Variants in CLEC5A observed in about 807,000 individuals in gnomAD.
CLEC5A encodes C-type lectin domain containing 5A.
CLEC5A carries 15 observed loss-of-function variants against 24.4 expected under a neutral mutation model. The ratio of observed to expected loss-of-function variants is 0.62; its 90% CI spans 0.41 to 0.95. The LOEUF (loss-of-function observed/expected upper bound fraction) is 0.95, where lower values mean the gene tolerates loss of function less well. Ranked by LOEUF, CLEC5A falls within the 40% of genes least tolerant of loss-of-function variation. The probability of loss-of-function intolerance (pLI) is 0.00; values close to 1 mark genes in which losing one functional copy is unlikely to be tolerated. For missense variants in CLEC5A, 211 were observed against 224.0 expected (o/e 0.94, Z 0.37); for synonymous variants, 71 against 72.6 (o/e 0.98, Z 0.11).
At chr7:141,931,640 C>A (rs782166989) in intron 6 of CLEC5A, 80 bp downstream of exon 6, 1 of 807,844 alleles carries the variant, frequency 1.2e-6, no homozygotes, top group South Asian at 1.4e-5. Context: ...TTGAGCTATT[C>A]CAGGGTGAAC....
intron 4 of CLEC5A, 48 bp from the exon 5 acceptor site, chr7:141,935,998 T>C (rs960039792): frequency 1.3e-6 from 2 of 1,526,732 alleles, no homozygotes; most frequent in African/African-American, 1.4e-5. Flanking sequence ...GTTTGGGTTA[T>C]GAATCCTGCA....
Position 141,943,890 on chromosome 7 carries a change from C to A in CLEC5A, c.208+6G>T, listed in dbSNP as rs191659282. On this transcript the variant is annotated splice_donor_region_variant and intron_variant, in intron 4 of 6. Coordinates refer to ENST00000546910, the MANE Select transcript of CLEC5A (RefSeq NM_013252.3). ...ATGGGGAGTAGGTTGTAATCATGCA[C>A]TTTACCTGTTCCATAGCTCCTTGTG... 1.7e-4 allele frequency: 278 copies of A among 1,594,908 alleles called. 1 individual carries two copies. The East Asian group carries it at 5.6e-3, about 32-fold the overall frequency.
In CLEC5A at chr7:141,946,197, G is replaced by A. The variant is rs782478562; in HGVS notation, c.79+17C>T. ...GACAACATGAAGTCTGGGGCAAGAG[G>A]TTGCTCAAATACTCACAATAAAGTA... On this transcript the variant is annotated intron_variant, in intron 2 of 6. Transcript: ENST00000546910. 15 of 1,555,614 alleles carry A rather than the reference G, an allele frequency of 9.6e-6. No individual in the cohort carries two copies. Among genetic ancestry groups the A allele is most frequent in the Non-Finnish European group, 1.3e-5 (15 of 1,148,332 alleles).
intron 5 of CLEC5A, among the ~76,000 whole-genome samples, chr7:141,935,138 C>A (rs1229270753): frequency 6.6e-6 from 1 of 152,116 alleles, no homozygotes; most frequent in African/African-American, 2.4e-5. Flanking sequence ...GGAGGACTTT[C>A]TAGAGGAGGA....
chr7:141,943,906 G>C lies in CLEC5A; in HGVS notation c.198C>G (p.Ser66Arg), dbSNP rs782349650. The change falls in exon 4 of 7, where the codon AGC becomes AGG. Residue 66 changes from serine to arginine, a missense_variant. Coordinates refer to ENST00000546910, the MANE Select transcript of CLEC5A (RefSeq NM_013252.3). ...PSPNGFITTR[S>R]YGTVCPKDWE... ...AATCATGCACTTTACCTGTTCCATA[G>C]CTCCTTGTGGTAATGAAGCCGTTGG... The C allele has an allele frequency of 6.2e-7, 1 of 1,607,676 alleles. No individual in the cohort carries two copies. The highest frequency in any genetic ancestry group is 8.5e-7 in the Non-Finnish European group (1 of 1,174,448).
chr7:141,935,694 G>T (rs968618567), intron 5 of CLEC5A, 120 bp downstream of exon 5: 6 of 873,020 alleles, frequency 6.9e-6, no homozygotes, highest in Non-Finnish European at 1.1e-5. Context: ...CAGTTTTTCA[G>T]CCAGCCACCT....
chr7:141,941,359 A>G (rs1168216316), intron 4 of CLEC5A, among the ~76,000 whole-genome samples: 2 of 152,118 alleles, frequency 1.3e-5, no homozygotes, highest in Non-Finnish European at 2.9e-5. Context: ...CTGATAAATT[A>G]TTTGATAAAA....
intron 5 of CLEC5A, among the ~76,000 whole-genome samples, chr7:141,934,014 C>T (rs1241720210): frequency 1.3e-5 from 2 of 152,170 alleles, no homozygotes; most frequent in African/African-American, 4.8e-5. Flanking sequence ...TGTATGGCCC[C>T]CTGAGTGTTC....
rs893105401 is a variant in CLEC5A, at chr7:141,928,101, A to G, written c.*2003T>C. The stretch of plus-strand genomic sequence containing the variant: ...AGCATGCCACTGCTATCTAATAAAG[A>G]TCACATTTATCTAAGCTTGCAAGGA... On this transcript the variant is annotated 3_prime_UTR_variant, in exon 7 of 7. Transcript: ENST00000546910. The G allele has an allele frequency of 2.0e-5, 3 of 151,804 alleles. No individual in the cohort carries two copies. In the South Asian group the frequency reaches 6.2e-4, roughly 32 times the overall value. The allele number at this position is 151,804 out of a possible 1,614,324, so 9.4% of individuals were successfully genotyped here. A position where few individuals can be genotyped will look rare whatever the true frequency, so the allele number is the denominator to read the frequency against.
At chr7:141,942,131 A>C (rs1802812840) in intron 4 of CLEC5A, among the ~76,000 whole-genome samples, 1 of 152,156 alleles carries the variant, frequency 6.6e-6, no homozygotes, top group Non-Finnish European at 1.5e-5. Flanking sequence ...AGCTATCCTA[A>C]GCAAAAAAAT....
At chr7:141,940,124 A>G (rs966481746) in intron 4 of CLEC5A, among the ~76,000 whole-genome samples, 3 of 152,156 alleles carry the variant, frequency 2.0e-5, no homozygotes, top group Non-Finnish European at 4.4e-5. Flanking sequence ...TTCATCAGCT[A>G]CAGAATACAC....
intron 4 of CLEC5A, among the ~76,000 whole-genome samples, chr7:141,943,045 C>A (rs782497098): frequency 7.9e-5 from 12 of 152,084 alleles, no homozygotes; most frequent in Non-Finnish European, 1.5e-4. Flanking sequence ...AATAGAACTA[C>A]CACATGGCCC....
intron 6 of CLEC5A, among the ~76,000 whole-genome samples, chr7:141,930,586 C>T (rs143258539): frequency 3.3e-5 from 5 of 152,286 alleles, no homozygotes; most frequent in Non-Finnish European, 2.9e-5. Context: ...TGCATGTTCA[C>T]AGCAAGAGGA....
intron 4 of CLEC5A, among the ~76,000 whole-genome samples, chr7:141,941,059 A>C (rs1374916275): frequency 1.3e-5 from 2 of 152,114 alleles, no homozygotes; most frequent in African/African-American, 4.8e-5. Flanking sequence ...GAAAGAGGGA[A>C]TACTTCGAAA....
chr7:141,945,540 A>ATAAATGT lies in CLEC5A; in HGVS notation c.80-147_80-141dup. On this transcript the variant is annotated intron_variant, in intron 2 of 6. Transcript: ENST00000546910. ...GAACTCTCTGACTCAGTGAAGATGC[A>ATAAATGT]TAAATGTGGTTTTGTGAATACGTTC... The ATAAATGT allele has an allele frequency of 5.8e-6, 4 of 684,670 alleles. No homozygotes were observed. The South Asian group carries it at 6.5e-5, about 11-fold the overall frequency. The allele number at this position is 684,670 out of a possible 1,614,324, so 42.4% of individuals were successfully genotyped here. A position where few individuals can be genotyped will look rare whatever the true frequency, so the allele number is the denominator to read the frequency against.
At chr7:141,935,201 A>G (rs1802583457) in intron 5 of CLEC5A, among the ~76,000 whole-genome samples, 1 of 152,232 alleles carries the variant, frequency 6.6e-6, no homozygotes, top group African/African-American at 2.4e-5. Flanking sequence ...AGCACAGATT[A>G]GAGTATGGGT....
intron 5 of CLEC5A, among the ~76,000 whole-genome samples, chr7:141,934,231 G>A (rs1554440770): frequency 6.6e-6 from 1 of 152,230 alleles, no homozygotes. Context: ...GCTAGAAAGA[G>A]TGCAAAACTG....
At chr7:141,941,977 C>G (rs1802806340) in intron 4 of CLEC5A, among the ~76,000 whole-genome samples, 1 of 151,974 alleles carries the variant, frequency 6.6e-6, no homozygotes, top group African/African-American at 2.4e-5. Context: ...TTGGAAGAAT[C>G]AATATTGTTA....
At chr7:141,941,527 C>T (rs560515497) in intron 4 of CLEC5A, among the ~76,000 whole-genome samples, 57 of 152,042 alleles carry the variant, frequency 3.7e-4, no homozygotes, top group African/African-American at 1.3e-3. Context: ...ATGGCAAGGC[C>T]GCACTCGCTT....
Sources: gnomAD v4.1 joint callset for allele counts (sites outside exome capture counted in the v4.1 genomes callset) on GRCh38, gnomAD v4.1.1 for gene constraint, MANE v1.5 for transcripts, NCBI Gene and HGNC (gene_info 2026-07-23, HGNC 2026-07-21) for gene names.